Variants in SPDL1 observed in about 807,000 individuals in gnomAD.
SPDL1 encodes the protein protein Spindly.
A neutral mutation model predicts 79.5 loss-of-function variants in SPDL1; 85 were observed. The observed-to-expected ratio is 1.07, with a 90% CI of 0.90 to 1.28. The LOEUF (loss-of-function observed/expected upper bound fraction) is 1.28, where lower values mean the gene tolerates loss of function less well. Among genes scored for constraint, SPDL1 ranks in the 50% most tolerant of loss-of-function variants. The pLI, the probability that SPDL1 is intolerant of heterozygous loss-of-function variation, is 0.00. For synonymous variants in SPDL1, 269 were observed against 240.3 expected (o/e 1.12, Z -1.10); for missense variants, 703 against 697.8 (o/e 1.01, Z -0.08).
chr5:169,604,271 G>A lies in SPDL1; in HGVS notation c.*64G>A, dbSNP rs1756078322. 2.1e-6 allele frequency: 3 copies of A among 1,405,646 alleles called. No homozygotes were observed. Among genetic ancestry groups the A allele is most frequent in the Non-Finnish European group, 2.8e-6 (3 of 1,054,874 alleles). The allele number at this position is 1,405,646 out of a possible 1,614,324, so 87.1% of individuals were successfully genotyped here. A position where few individuals can be genotyped will look rare whatever the true frequency, so the allele number is the denominator to read the frequency against. On this transcript the variant is annotated 3_prime_UTR_variant, in exon 12 of 12. Coordinates refer to ENST00000265295, the MANE Select transcript of SPDL1 (RefSeq NM_017785.5). ...AAAAGTTACTATGGTGCTTAAGATT[G>A]TCTTGATCTGACATATATCACCTTC...
At chr5:169,603,195 C>A (rs566626330) in intron 11 of SPDL1, among the ~76,000 whole-genome samples, 63 of 152,136 alleles carry the variant, frequency 4.1e-4, no homozygotes, top group Non-Finnish European at 8.5e-4. Context: ...GATACACAAT[C>A]CTAAGATAAT....
chr5:169,599,921 G>A (rs897230967), intron 10 of SPDL1, among the ~76,000 whole-genome samples: 1 of 152,122 alleles, frequency 6.6e-6, no homozygotes, highest in Non-Finnish European at 1.5e-5. Flanking sequence ...CACCAAAATG[G>A]GGGGGAAAGG....
intron 7 of SPDL1, 110 bp from the exon 8 acceptor site, chr5:169,596,451 A>C (rs1755583050): frequency 3.2e-6 from 3 of 930,540 alleles, no homozygotes; most frequent in Non-Finnish European, 3.2e-6. Flanking sequence ...TTTAGTTTCC[A>C]AAATGAGTTC....
At chr5:169,587,297 C>T (rs255824) in intron 1 of SPDL1, 122,875 of 152,198 alleles carry the variant, frequency 0.81, 50,398 homozygotes, top group African/African-American at 0.95. Context: ...AAGAAATACT[C>T]GTTCAGTGAA....
intron 2 of SPDL1, chr5:169,588,926 A>G (rs1755128289): frequency 6.3e-6 from 1 of 157,758 alleles, no homozygotes. Context: ...CATGAAATCT[A>G]GGTTTGTGTT....
chr5:169,585,441 A>AT (rs1387667543), intron 1 of SPDL1, among the ~76,000 whole-genome samples: 4 of 152,020 alleles, frequency 2.6e-5, no homozygotes, highest in South Asian at 2.1e-4. Flanking sequence ...ACTAAAGCAA[A>AT]TTTTTTTTGG....
intron 4 of SPDL1, 43 bp from the exon 5 acceptor site, chr5:169,594,102 A>G: frequency 6.5e-7 from 1 of 1,529,612 alleles, no homozygotes; most frequent in Non-Finnish European, 8.9e-7. Flanking sequence ...CAAATGAAAG[A>G]TTATTCAAGA....
At chr5:169,589,024 T>G (rs577452827) in intron 2 of SPDL1, among the ~76,000 whole-genome samples, 5 of 152,306 alleles carry the variant, frequency 3.3e-5, no homozygotes, top group African/African-American at 9.6e-5. Context: ...TTACGATTTT[T>G]TTTAGCTTAT....
At chr5:169,596,777 T>A (rs1243240217) in intron 8 of SPDL1, 76 bp downstream of exon 8, 1 of 1,206,616 alleles carries the variant, frequency 8.3e-7, no homozygotes, top group African/African-American at 1.6e-5. Context: ...TTTTTTAAGT[T>A]TAAATTATTA....
At chr5:169,588,638 A>T in intron 2 of SPDL1, 63 bp downstream of exon 2, 18 of 1,408,216 alleles carry the variant, frequency 1.3e-5, no homozygotes, top group Non-Finnish European at 1.7e-5. Flanking sequence ...TGTCCTGTTT[A>T]GCAATTAATA....
At chr5:169,584,592 A>G (rs1166081248) in intron 1 of SPDL1, among the ~76,000 whole-genome samples, 4 of 152,216 alleles carry the variant, frequency 2.6e-5, no homozygotes, top group African/African-American at 9.7e-5. Flanking sequence ...GAGGCGGGGT[A>G]AGAACTCAGG....
rs1218177763 is a variant in SPDL1, at chr5:169,601,351, G to A, written c.1396G>A (p.Ala466Thr). 1.9e-6 allele frequency: 3 copies of A among 1,613,836 alleles called. No homozygotes were observed. Among genetic ancestry groups the A allele is most frequent in the East Asian group, 4.5e-5 (2 of 44,882 alleles). ...TGTGGATATAACCACCGCTAAAGAT[G>A]CATGTGTCAACAACAGTGCTCTCGG... ...LPVDITTAKDACVNNSALGGE... is the reference protein window; with the variant it reads ...LPVDITTAKDTCVNNSALGGE... Residue 466 changes from alanine to threonine, a missense_variant, in exon 11 of 12, where the codon GCA becomes ACA. Ala to Thr is a moderately conservative substitution (Grantham distance 58, BLOSUM62 0). Coordinates refer to ENST00000265295, the MANE Select transcript of SPDL1 (RefSeq NM_017785.5).
chr5:169,591,092 C>G lies in SPDL1; in HGVS notation c.204C>G (p.Leu68=), dbSNP rs772936773. The change falls in exon 3 of 12, where the codon CTC becomes CTG. Residue 68 remains leucine (L), a synonymous_variant. Coordinates refer to ENST00000265295, the MANE Select transcript of SPDL1 (RefSeq NM_017785.5). The part of the protein sequence containing the change: ...EKYTLQREVE[L]KSRMLESLSC... ...ATACCCTTCAAAGAGAAGTTGAACTCAAGAGTCGAATGTTAGAAAGTTTGA... is the reference window on the plus strand; with the variant it reads ...ATACCCTTCAAAGAGAAGTTGAACTGAAGAGTCGAATGTTAGAAAGTTTGA... 1.9e-5 allele frequency: 31 copies of G among 1,613,716 alleles called. No individual in the cohort carries two copies. The South Asian group carries it at 3.3e-4, about 17-fold the overall frequency.
At chr5:169,598,912 C>T in intron 9 of SPDL1, 60 bp from the exon 10 acceptor site, 2 of 1,490,154 alleles carry the variant, frequency 1.3e-6, no homozygotes, top group Middle Eastern at 2.0e-4. Flanking sequence ...AATATTTATA[C>T]CACTACACTT....
intron 2 of SPDL1, 21 bp downstream of exon 2, chr5:169,588,596 G>T (rs183506584): frequency 6.3e-7 from 1 of 1,583,634 alleles, no homozygotes; most frequent in Admixed American, 1.8e-5. Flanking sequence ...GGACTCCTCT[G>T]TCTGCAAGAG....
intron 11 of SPDL1, 115 bp from the exon 12 acceptor site, chr5:169,603,945 A>G (rs1756060234): frequency 1.8e-6 from 2 of 1,139,070 alleles, no homozygotes; most frequent in African/African-American, 1.6e-5. Context: ...AGAGTCAACT[A>G]TATTTTTTTT....
chr5:169,594,187 G>A lies in SPDL1; in HGVS notation c.574G>A (p.Glu192Lys), dbSNP rs1383664095. Residue 192 changes from glutamate (E) to lysine (K), a missense_variant, in exon 5 of 12, where the codon GAA becomes AAA. By Grantham distance (56) the Glu-to-Lys change is moderately conservative (BLOSUM62 1). Transcript: ENST00000265295. ...EEVNELQYRQ[E>K]QLELLITNLM... ...AGTGAATGAACTACAATACAGACAA[G>A]AACAGCTAGAACTTCTTATTACTAA... 1 of 1,613,396 alleles carries A rather than the reference G, an allele frequency of 6.2e-7. No individual in the cohort carries two copies. Among genetic ancestry groups the A allele is most frequent in the Middle Eastern group, 1.7e-4 (1 of 6,058 alleles).
chr5:169,604,218 T>G lies in SPDL1; in HGVS notation c.*11T>G. On this transcript the variant is annotated 3_prime_UTR_variant, in exon 12 of 12. Transcript: ENST00000265295. ...TGCCCTCAACAGTAAAGACTTGTCT[T>G]TAATAAGAGTACGGTGCCACTTGCC... is the stretch of plus-strand genomic sequence containing the variant. The G allele has an allele frequency of 6.4e-7, 1 of 1,552,640 alleles. No homozygotes were observed. The highest frequency in any genetic ancestry group is 8.7e-7 in the Non-Finnish European group (1 of 1,153,872).
intron 1 of SPDL1, among the ~76,000 whole-genome samples, chr5:169,584,449 A>T (rs950408223): frequency 6.6e-6 from 1 of 152,124 alleles, no homozygotes; most frequent in Non-Finnish European, 1.5e-5. Context: ...ATTCTACCCT[A>T]ATTGCTTTTC....
Sources: gnomAD v4.1 joint callset for allele counts (sites outside exome capture counted in the v4.1 genomes callset) on GRCh38, gnomAD v4.1.1 for gene constraint, MANE v1.5 for transcripts, NCBI Gene and HGNC (gene_info 2026-07-23, HGNC 2026-07-21) for gene names.